Variants in DPP6 observed in about 807,000 individuals in gnomAD.
The protein encoded by DPP6 is A-type potassium channel modulatory protein DPP6.
In DPP6, 69 loss-of-function variants were observed where a neutral mutation model predicts 122.6. The ratio of observed to expected loss-of-function variants is 0.56; its 90% confidence interval spans 0.46 to 0.69. The LOEUF (loss-of-function observed/expected upper bound fraction) is 0.69. Ranked by LOEUF, DPP6 falls within the 30% of genes least tolerant of loss-of-function variation. The pLI, the probability that DPP6 is intolerant of heterozygous loss-of-function variation, is 0.00. For synonymous variants in DPP6, 418 were observed against 433.1 expected, an observed-to-expected ratio of 0.97 and a Z score of 0.43; for missense variants, 928 against 1,116.9, an observed-to-expected ratio of 0.83 and a Z score of 2.41.
intron 17 of DPP6, among the ~76,000 whole-genome samples, chr7:154,861,477 C>T (rs1026897293): frequency 1.6e-4 from 25 of 152,160 alleles, no homozygotes; most frequent in Admixed American, 4.6e-4. Context: ...TTTTCCTCCT[C>T]GAGCTGATAT....
chr7:154,861,585 A>G (rs2150601279), intron 17 of DPP6, among the ~76,000 whole-genome samples: 1 of 152,300 alleles, frequency 6.6e-6, no homozygotes, highest in South Asian at 2.1e-4. Flanking sequence ...ACTTCCGGTG[A>G]CCATAAGGCC....
At chr7:153,804,216 ATTTG>A in the DPP6 span, among the ~76,000 whole-genome samples, 2 of 151,884 alleles carry the variant, frequency 1.3e-5, no homozygotes, top group Admixed American at 6.6e-5. Context: ...CACCCAGCTA[ATTTG>A]TTTGTATTTT....
intron 1 of DPP6, among the ~76,000 whole-genome samples, chr7:154,397,595 G>A (rs1338222271): frequency 6.6e-6 from 1 of 152,196 alleles, no homozygotes; most frequent in Non-Finnish European, 1.5e-5. Flanking sequence ...TAAATCATAT[G>A]CCTCCACTTC....
rs1469822106 is a variant in DPP6 at position 154,524,415 on chromosome 7, CATAGA to C, written c.458-16113_458-16109del. ...AAACAACTAACAACCTTCCAGAACA[CATAGA>C]ATAAGTCATTTTTCACAAACCTGGC... On this transcript the variant is annotated intron_variant, in intron 3 of 25. Coordinates refer to ENST00000377770, the MANE Select transcript of DPP6 (RefSeq NM_130797.4). 9.2e-5 allele frequency among the ~76,000 whole-genome samples: 14 copies of C among 152,296 alleles called. No homozygotes were observed. In the Middle Eastern group the frequency reaches 0.01, roughly 112 times the overall value.
intron 5 of DPP6, among the ~76,000 whole-genome samples, chr7:154,619,079 C>CTCCTCATT (rs1834462609): frequency 6.6e-6 from 1 of 152,216 alleles, no homozygotes; most frequent in Admixed American, 6.5e-5. Flanking sequence ...TGTGACTTTG[C>CTCCTCATT]TCCTCATTTG....
chr7:153,831,780 G>A, the DPP6 span, among the ~76,000 whole-genome samples: 1 of 152,168 alleles, frequency 6.6e-6, no homozygotes, highest in African/African-American at 2.4e-5. Flanking sequence ...TTTGGCCCAT[G>A]AGGCGATTGT....
At chr7:153,920,138 C>T (rs1277477596) in intron 1 of DPP6, among the ~76,000 whole-genome samples, 1 of 152,194 alleles carries the variant, frequency 6.6e-6, no homozygotes. Flanking sequence ...GAAAACTGTT[C>T]CATGCCAGGC....
At chr7:154,427,867 C>G (rs544549029) in intron 1 of DPP6, among the ~76,000 whole-genome samples, 1 of 152,238 alleles carries the variant, frequency 6.6e-6, no homozygotes, top group African/African-American at 2.4e-5. Flanking sequence ...CAGGTTAATT[C>G]CTAAAGAGTT....
chr7:153,880,877 A>G, the DPP6 span, among the ~76,000 whole-genome samples: 6 of 152,232 alleles, frequency 3.9e-5, no homozygotes, highest in Admixed American at 3.9e-4. Flanking sequence ...AGAGATGAAC[A>G]TAAATCATTT....
chr7:154,613,946 G>T (rs551965944), intron 5 of DPP6, among the ~76,000 whole-genome samples: 50 of 152,322 alleles, frequency 3.3e-4, no homozygotes, highest in African/African-American at 1.2e-3. Context: ...AGATGGAGAG[G>T]ATTTGGTGGG....
At chr7:154,186,607 C>A (rs1350375615) in intron 1 of DPP6, among the ~76,000 whole-genome samples, 1 of 152,222 alleles carries the variant, frequency 6.6e-6, no homozygotes, top group Non-Finnish European at 1.5e-5. Context: ...AGCACACAGG[C>A]ATGGCCTGAG....
chr7:154,163,902 CAG>C (rs1387393518), intron 1 of DPP6, among the ~76,000 whole-genome samples: 1 of 152,166 alleles, frequency 6.6e-6, no homozygotes, highest in African/African-American at 2.4e-5. Context: ...CAGCTGTCCT[CAG>C]AGACAAGAGT....
intron 1 of DPP6, among the ~76,000 whole-genome samples, chr7:153,908,998 C>T (rs1003819207): frequency 1.1e-4 from 16 of 152,254 alleles, no homozygotes; most frequent in African/African-American, 1.9e-4. Context: ...ATGATCTGCC[C>T]GCCTCAGCCT....
chr7:153,789,763 G>A, the DPP6 span, among the ~76,000 whole-genome samples: 5 of 152,222 alleles, frequency 3.3e-5, 1 homozygote, highest in South Asian at 1.0e-3. Context: ...CCACTGTATT[G>A]TCAACATAAT....
intron 1 of DPP6, among the ~76,000 whole-genome samples, chr7:153,964,143 C>A (rs577049983): frequency 3.9e-4 from 59 of 152,138 alleles, no homozygotes; most frequent in Middle Eastern, 3.4e-3. Context: ...TTGCAGACAC[C>A]CCCCACCACG....
chr7:154,565,804 C>T (rs938949616), intron 4 of DPP6, among the ~76,000 whole-genome samples: 2 of 152,098 alleles, frequency 1.3e-5, no homozygotes, highest in East Asian at 3.9e-4. Context: ...GGATTACAGG[C>T]GTGAGCCACT....
the DPP6 span, among the ~76,000 whole-genome samples, chr7:153,807,517 C>T: frequency 1.3e-5 from 2 of 151,954 alleles, no homozygotes; most frequent in African/African-American, 2.4e-5. Flanking sequence ...TGCAAGGCAT[C>T]GTAGAAAAAT....
At chr7:154,499,491 A>G (rs1056504960) in intron 3 of DPP6, among the ~76,000 whole-genome samples, 8 of 152,156 alleles carry the variant, frequency 5.3e-5, no homozygotes, top group Non-Finnish European at 8.8e-5. Flanking sequence ...AAGTCTTGAG[A>G]TGGAGCAGCG....
At chr7:154,063,611 A>AC (rs1217037136) in intron 1 of DPP6, among the ~76,000 whole-genome samples, 15 of 106,678 alleles carry the variant, frequency 1.4e-4, no homozygotes, top group East Asian at 3.2e-4. Context: ...TGAGGGAGGC[A>AC]CCCCCCACGA....
Sources: allele counts gnomAD v4.1 joint callset (sites outside exome capture counted in the v4.1 genomes callset), GRCh38; gene constraint gnomAD v4.1.1; transcripts MANE v1.5; gene names NCBI Gene and HGNC (gene_info 2026-07-23, HGNC 2026-07-21).